The following ACAD10 variants were observed in gnomAD, a reference collection of about 807,000 sequenced individuals.
The protein encoded by ACAD10 is acyl-CoA dehydrogenase family member 10, also known as ACAD-10.
In ACAD10, 112 loss-of-function variants were observed where a neutral mutation model predicts 116.8. That is an observed-to-expected ratio of 0.96 (90% CI 0.82 to 1.12). The LOEUF is 1.12. Among genes scored for constraint, ACAD10 ranks in the 50% most tolerant of loss-of-function variants. ACAD10 has a pLI of 0.00. For missense variants in ACAD10, 1,259 were observed against 1,350.2 expected, an observed-to-expected ratio of 0.93 and a Z score of 1.06; for synonymous variants, 486 against 510.6, an observed-to-expected ratio of 0.95 and a Z score of 0.65.
chr12:111,744,389 A>G (rs1889829530), intron 12 of ACAD10, among the ~76,000 whole-genome samples: 1 of 152,214 alleles, frequency 6.6e-6, no homozygotes, highest in Admixed American at 6.6e-5. Flanking sequence ...TCTGGCCCCC[A>G]GCCCCCTAAC....
At chr12:111,706,500 A>G (rs1251424488) in intron 4 of ACAD10, among the ~76,000 whole-genome samples, 2 of 152,012 alleles carry the variant, frequency 1.3e-5, no homozygotes, top group Non-Finnish European at 2.9e-5. Flanking sequence ...CCCAGGCTGG[A>G]GTGCAGTGGC....
chr12:111,721,922 C>A (rs931045897), intron 8 of ACAD10, 183 bp downstream of exon 8: 1 of 424,896 alleles, frequency 2.4e-6, no homozygotes. Flanking sequence ...AAGTATATGC[C>A]TGCTTTAGGG....
At chr12:111,705,962 A>G in intron 4 of ACAD10, 30 bp downstream of exon 4, 1 of 1,603,974 alleles carries the variant, frequency 6.2e-7, no homozygotes, top group South Asian at 1.1e-5. Flanking sequence ...AAACCATTGG[A>G]ACAGAATCTG....
chr12:111,715,020 C>A (rs1349704182), intron 6 of ACAD10, among the ~76,000 whole-genome samples: 2 of 152,150 alleles, frequency 1.3e-5, no homozygotes, highest in Non-Finnish European at 2.9e-5. Context: ...CCAAAGAAGA[C>A]ATTTTTCCCA....
chr12:111,747,469 T>C (rs1889945493), intron 16 of ACAD10, 84 bp downstream of exon 16: 1 of 1,586,948 alleles, frequency 6.3e-7, no homozygotes, highest in Admixed American at 1.7e-5. Context: ...GGGAGGAGCC[T>C]CTGCTTTTTC....
intron 4 of ACAD10, 25 bp downstream of exon 4, chr12:111,705,957 A>G (rs1380485022): frequency 5.6e-6 from 9 of 1,609,648 alleles, no homozygotes; most frequent in Non-Finnish European, 7.6e-6. Context: ...ATTGAAAACC[A>G]TTGGAACAGA....
intron 12 of ACAD10, among the ~76,000 whole-genome samples, chr12:111,738,273 G>A (rs1304738292): frequency 6.6e-6 from 1 of 151,708 alleles, no homozygotes; most frequent in African/African-American, 2.4e-5. Context: ...TGGTGAAACT[G>A]TGTCTCTACT....
At chr12:111,712,990 G>A (rs1046719395) in intron 6 of ACAD10, among the ~76,000 whole-genome samples, 4 of 152,280 alleles carry the variant, frequency 2.6e-5, no homozygotes, top group South Asian at 2.1e-4. Flanking sequence ...GCTTTGAGAC[G>A]ACAGCCCATT....
At chr12:111,739,461 TAAAAG>T (rs1285050711) in intron 12 of ACAD10, among the ~76,000 whole-genome samples, 3 of 152,020 alleles carry the variant, frequency 2.0e-5, no homozygotes, top group Non-Finnish European at 4.4e-5. Flanking sequence ...GAGAGAGACT[TAAAAG>T]AAACATCAGG....
intron 5 of ACAD10, among the ~76,000 whole-genome samples, chr12:111,711,522 A>ATTTTTTTT (rs1176078999): frequency 9.3e-6 from 1 of 107,262 alleles, no homozygotes; most frequent in African/African-American, 3.6e-5. Flanking sequence ...CTGTGCTAAA[A>ATTTTTTTT]TTTTTTTTTT....
chr12:111,744,298 G>A (rs1043902340), intron 12 of ACAD10, among the ~76,000 whole-genome samples: 2 of 152,122 alleles, frequency 1.3e-5, no homozygotes, highest in Non-Finnish European at 2.9e-5. Context: ...CGGCAGAGGT[G>A]ATCTGGGGTG....
At chr12:111,713,167 T>G (rs1888741644) in intron 6 of ACAD10, among the ~76,000 whole-genome samples, 1 of 151,246 alleles carries the variant, frequency 6.6e-6, no homozygotes, top group African/African-American at 2.4e-5. Flanking sequence ...AAAAATTAGC[T>G]GGGTGTGGTG....
In ACAD10 at chr12:111,756,349, G is replaced by T. The variant is rs367722328; in HGVS notation, c.3056G>T (p.Gly1019Val). ...DRAIQAFGAAGLSSDYPLAQF... is the reference protein window; with the variant it reads ...DRAIQAFGAAVLSSDYPLAQF... ...GTCTGCCAGGCCTTTGGAGCAGCAG[G>T]CCTGAGCAGCGACTACCCACTGGCT... is the stretch of plus-strand genomic sequence containing the variant. The change falls in exon 21 of 21, where the codon GGC becomes GTC. Residue 1019 changes from glycine to valine, a missense_variant. Physicochemically the swap from Gly to Val is moderately radical, Grantham distance 109. Coordinates refer to ENST00000313698, the MANE Select transcript of ACAD10 (RefSeq NM_025247.6). 2 of 1,607,538 alleles carry T rather than the reference G, an allele frequency of 1.2e-6. No individual in the cohort carries two copies. Among genetic ancestry groups the T allele is most frequent in the Non-Finnish European group, 1.7e-6 (2 of 1,178,348 alleles).
chr12:111,747,552 G>A lies in ACAD10; in HGVS notation c.2485+167G>A, dbSNP rs575811103. 89 of 1,454,028 alleles carry A rather than the reference G, an allele frequency of 6.1e-5. No individual in the cohort carries two copies. The African/African-American group carries it at 1.1e-3, about 17-fold the overall frequency. The allele number at this position is 1,454,028 out of a possible 1,614,324, so 90.1% of individuals were successfully genotyped here. A position where few individuals can be genotyped will look rare whatever the true frequency, so the allele number is the denominator to read the frequency against. On this transcript the variant is annotated intron_variant, in intron 16 of 20. Transcript: ENST00000313698. ...AGCTGGGAGAATAGGAGGGTAATCC[G>A]TGGAGCACACTGTTCTCAGAGGTGG...
chr12:111,754,228 T>G (rs1890146978), intron 19 of ACAD10, among the ~76,000 whole-genome samples: 1 of 152,222 alleles, frequency 6.6e-6, no homozygotes, highest in Non-Finnish European at 1.5e-5. Flanking sequence ...AAAGGGACCC[T>G]CTGCTGGCCT....
chr12:111,687,670 A>G (rs1887911822), intron 1 of ACAD10, among the ~76,000 whole-genome samples: 1 of 152,184 alleles, frequency 6.6e-6, no homozygotes, highest in Admixed American at 6.5e-5. Context: ...TGAGTGTTTC[A>G]TATACCTTGT....
chr12:111,692,961 G>C, intron 2 of ACAD10, 65 bp downstream of exon 2: 2 of 1,561,088 alleles, frequency 1.3e-6, no homozygotes, highest in Non-Finnish European at 1.7e-6. Flanking sequence ...GAGGGTGATC[G>C]GGAAGGCAGA....
intron 10 of ACAD10, among the ~76,000 whole-genome samples, chr12:111,731,712 T>A (rs753274933): frequency 6.6e-6 from 1 of 152,192 alleles, no homozygotes; most frequent in Admixed American, 6.6e-5. Flanking sequence ...TGTCTTTTGA[T>A]GGATAGAAGA....
chr12:111,756,522 C>T lies in ACAD10; in HGVS notation c.*49C>T, dbSNP rs1035953338. ...ATGTCCTGGCTGGTCCAGCTGTGCC[C>T]AGATCTGTCACTGATGTGCCTCGAA... is the stretch of plus-strand genomic sequence containing the variant. On this transcript the variant is annotated 3_prime_UTR_variant, in exon 21 of 21. Coordinates refer to ENST00000313698, the MANE Select transcript of ACAD10 (RefSeq NM_025247.6). 1 of 1,599,346 alleles carries T rather than the reference C, an allele frequency of 6.3e-7. No individual in the cohort carries two copies. Among genetic ancestry groups the T allele is most frequent in the African/African-American group, 1.3e-5 (1 of 74,520 alleles).
Sources: allele counts gnomAD v4.1 joint callset (sites outside exome capture counted in the v4.1 genomes callset), GRCh38; gene constraint gnomAD v4.1.1; transcripts MANE v1.5; gene names NCBI Gene and HGNC (gene_info 2026-07-23, HGNC 2026-07-21).